The following ETV6 variants were observed in gnomAD, a reference collection of about 807,000 sequenced individuals.
ETV6 encodes transcription factor ETV6.
In ETV6, 16 loss-of-function variants were observed where a neutral mutation model predicts 51.1. The observed-to-expected ratio is 0.31, with a 90% CI of 0.21 to 0.48. The LOEUF is 0.48. ETV6 is among the 20% of genes least tolerant of loss of function. The pLI is 0.99. For synonymous variants in ETV6, 240 were observed against 224.1 expected (o/e 1.07, Z -0.64); for missense variants, 458 against 594.8 (o/e 0.77, Z 2.39).
intron 1 of ETV6, among the ~76,000 whole-genome samples, chr12:11,659,038 C>G (rs1250604101): frequency 6.6e-6 from 1 of 152,192 alleles, no homozygotes; most frequent in Non-Finnish European, 1.5e-5. Context: ...GTTTAACAGG[C>G]AGTTCCATGT....
chr12:11,839,005 C>T, intron 2 of ETV6, 135 bp from the exon 3 acceptor site: 1 of 928,554 alleles, frequency 1.1e-6, no homozygotes, highest in African/African-American at 1.7e-5. Flanking sequence ...AGAGGGGACT[C>T]AGAGTTGAAC....
chr12:11,700,660 TAAG>T (rs1237133140), intron 1 of ETV6, among the ~76,000 whole-genome samples: 4 of 152,188 alleles, frequency 2.6e-5, no homozygotes, highest in Non-Finnish European at 5.9e-5. Context: ...AAAATGCTAT[TAAG>T]AAAATCATAG....
intron 1 of ETV6, among the ~76,000 whole-genome samples, chr12:11,673,928 T>TA (rs1864366859): frequency 6.6e-6 from 1 of 152,242 alleles, no homozygotes; most frequent in Admixed American, 6.5e-5. Flanking sequence ...GGAATGGCCA[T>TA]ATTTTGGAAT....
intron 1 of ETV6, among the ~76,000 whole-genome samples, chr12:11,660,275 G>A (rs1325901461): frequency 6.6e-6 from 1 of 152,194 alleles, no homozygotes; most frequent in East Asian, 1.9e-4. Context: ...ATCTGCACTA[G>A]GGTATACAGG....
intron 2 of ETV6, among the ~76,000 whole-genome samples, chr12:11,817,843 C>T (rs768603044): frequency 1.3e-5 from 2 of 152,136 alleles, no homozygotes; most frequent in African/African-American, 2.4e-5. Flanking sequence ...TAATTTAACA[C>T]GGCGTCCTAG....
At chr12:11,888,325 G>A (rs748185163) in intron 7 of ETV6, among the ~76,000 whole-genome samples, 37 of 151,580 alleles carry the variant, frequency 2.4e-4, no homozygotes, top group African/African-American at 8.5e-4. Context: ...CATAGCTGTC[G>A]TCTTCCATCA....
intron 3 of ETV6, among the ~76,000 whole-genome samples, chr12:11,845,010 T>A (rs1287939972): frequency 6.6e-6 from 1 of 152,170 alleles, no homozygotes; most frequent in Non-Finnish European, 1.5e-5. Context: ...TTTTGTATTT[T>A]AGTAGAGATG....
chr12:11,818,531 C>CAA (rs1221844259), intron 2 of ETV6, among the ~76,000 whole-genome samples: 125 of 80,060 alleles, frequency 1.6e-3, no homozygotes, highest in East Asian at 2.3e-3. Context: ...GACTCTGTCT[C>CAA]AAAAAAAAAA....
chr12:11,773,879 G>A (rs368900187), intron 2 of ETV6, among the ~76,000 whole-genome samples: 2 of 152,328 alleles, frequency 1.3e-5, no homozygotes, highest in East Asian at 1.9e-4. Flanking sequence ...GGCATCACCC[G>A]ATGTGGTGGA....
intron 1 of ETV6, among the ~76,000 whole-genome samples, chr12:11,747,153 A>T (rs1865923874): frequency 6.6e-6 from 1 of 152,168 alleles, no homozygotes; most frequent in South Asian, 2.1e-4. Context: ...GAGACTTCAG[A>T]TGCTAGGAGT....
chr12:11,827,443 C>A (rs1946174772), intron 2 of ETV6, among the ~76,000 whole-genome samples: 1 of 152,148 alleles, frequency 6.6e-6, no homozygotes, highest in African/African-American at 2.4e-5. Flanking sequence ...TTTGGAGGTG[C>A]TGTAGGTCAG....
chr12:11,650,698 C>T (rs1337618979), intron 1 of ETV6, among the ~76,000 whole-genome samples: 1 of 152,024 alleles, frequency 6.6e-6, no homozygotes, highest in Non-Finnish European at 1.5e-5. Flanking sequence ...TAATTGCAAG[C>T]GCTGTCGGAG....
chr12:11,677,993 G>T (rs1864453737), intron 1 of ETV6, among the ~76,000 whole-genome samples: 1 of 152,180 alleles, frequency 6.6e-6, no homozygotes. Flanking sequence ...CTTTGCTTCT[G>T]TTCCTGCACT....
At chr12:11,875,801 G>GT (rs1473491871) in intron 5 of ETV6, among the ~76,000 whole-genome samples, 35 of 151,924 alleles carry the variant, frequency 2.3e-4, no homozygotes, top group Middle Eastern at 6.8e-3. Flanking sequence ...GCCACCATGC[G>GT]TTTTTTTTAA....
chr12:11,841,441 G>A (rs575248062), intron 3 of ETV6, among the ~76,000 whole-genome samples: 1 of 152,332 alleles, frequency 6.6e-6, no homozygotes, highest in South Asian at 2.1e-4. Context: ...GATTGAGTAG[G>A]CAGAGGGTAA....
At chr12:11,800,210 C>G (rs1344893375) in intron 2 of ETV6, among the ~76,000 whole-genome samples, 2 of 152,134 alleles carry the variant, frequency 1.3e-5, no homozygotes, top group Admixed American at 1.3e-4. Flanking sequence ...ACCTGACCTT[C>G]TTATCCCACC....
intron 2 of ETV6, among the ~76,000 whole-genome samples, chr12:11,760,261 A>G (rs1945065353): frequency 6.6e-6 from 1 of 152,208 alleles, no homozygotes; most frequent in Admixed American, 6.5e-5. Context: ...ATTGGTCTCC[A>G]TTTCTGCTTC....
intron 1 of ETV6, among the ~76,000 whole-genome samples, chr12:11,675,092 T>C (rs902552099): frequency 1.3e-5 from 2 of 152,218 alleles, no homozygotes; most frequent in African/African-American, 2.4e-5. Flanking sequence ...GCTGTAGCCA[T>C]GGGGGTAAGC....
At chr12:11,689,139 C>CG (rs541099582) in intron 1 of ETV6, among the ~76,000 whole-genome samples, 41 of 1,932 alleles carry the variant, frequency 0.021, no homozygotes, top group African/African-American at 0.078. Context: ...GAAAATGGGG[C>CG]GGGGGGGCGG....
Sources: allele counts gnomAD v4.1 joint callset (sites outside exome capture counted in the v4.1 genomes callset), GRCh38; gene constraint gnomAD v4.1.1; transcripts MANE v1.5; gene names NCBI Gene and HGNC (gene_info 2026-07-23, HGNC 2026-07-21).